Variants in BRINP1 observed in about 807,000 individuals in gnomAD.
The protein encoded by BRINP1 is BMP/retinoic acid-inducible neural-specific protein 1.
In BRINP1, 17 loss-of-function variants were observed where a neutral mutation model predicts 72.9. The observed-to-expected ratio is 0.23, with a 90% CI of 0.16 to 0.35. The LOEUF (loss-of-function observed/expected upper bound fraction) is 0.35. BRINP1 is among the 10% of genes least tolerant of loss of function. The pLI is 1.00. For synonymous variants in BRINP1, 418 were observed against 378.5 expected (o/e 1.10, Z -1.21); for missense variants, 850 against 1,001.6 (o/e 0.85, Z 2.04).
chr9:119,170,234 A>C (rs1000184946), intron 7 of BRINP1, among the ~76,000 whole-genome samples: 2 of 151,914 alleles, frequency 1.3e-5, no homozygotes, highest in Non-Finnish European at 2.9e-5. Context: ...AAACTTTAAA[A>C]AAAATTTAGA....
At chr9:119,292,877 C>A (rs1270658115) in intron 2 of BRINP1, among the ~76,000 whole-genome samples, 1 of 152,164 alleles carries the variant, frequency 6.6e-6, no homozygotes, top group East Asian at 1.9e-4. Flanking sequence ...TAGATAAGGT[C>A]AAGAACCACA....
chr9:119,211,416 C>G (rs1293413930), intron 6 of BRINP1, among the ~76,000 whole-genome samples: 1 of 152,112 alleles, frequency 6.6e-6, no homozygotes, highest in Admixed American at 6.5e-5. Context: ...AGGCTGGTCT[C>G]GAACTCCTGA....
In BRINP1 at chr9:119,313,193, G is replaced by T. The variant is rs777160737; in HGVS notation, c.163C>A (p.Leu55Ile). 1 of 1,614,124 alleles carries T rather than the reference G, an allele frequency of 6.2e-7. No homozygotes were observed. The highest frequency in any genetic ancestry group is 1.7e-5 in the Admixed American group (1 of 60,024). The part of the protein sequence containing the change: ...RGPFHHSRSY[L>I]SFVERHRQGF... ...TGACGGTGTCTTTCCACAAAGGATA[G>T]GTAGCTCCTGGAGTGGTGGAAAGGC... Residue 55 changes from leucine to isoleucine, a missense_variant, in exon 2 of 8, where the codon CTA becomes ATA. Transcript: ENST00000265922.
At chr9:119,192,613 T>C (rs1292929944) in intron 7 of BRINP1, among the ~76,000 whole-genome samples, 1 of 151,956 alleles carries the variant, frequency 6.6e-6, no homozygotes, top group African/African-American at 2.4e-5. Context: ...TTGGTGAGGG[T>C]GTGAAGAAAA....
intron 5 of BRINP1, among the ~76,000 whole-genome samples, chr9:119,225,608 C>T (rs910198184): frequency 6.6e-6 from 1 of 151,890 alleles, no homozygotes; most frequent in Non-Finnish European, 1.5e-5. Flanking sequence ...TTGGTTGAAG[C>T]CACAGACCCA....
chr9:119,193,162 AGTTG>A (rs1829700359), intron 7 of BRINP1, among the ~76,000 whole-genome samples: 1 of 152,028 alleles, frequency 6.6e-6, no homozygotes, highest in African/African-American at 2.4e-5. Flanking sequence ...TTTTATCGAT[AGTTG>A]GTTGAATTCA....
chr9:119,356,759 C>T (rs143429036), intron 1 of BRINP1, among the ~76,000 whole-genome samples: 3 of 150,578 alleles, frequency 2.0e-5, no homozygotes, highest in Non-Finnish European at 4.4e-5. Flanking sequence ...AAACCGAGAT[C>T]GCACCATTGC....
At chr9:119,268,686 A>G (rs1830578406) in intron 2 of BRINP1, among the ~76,000 whole-genome samples, 1 of 152,138 alleles carries the variant, frequency 6.6e-6, no homozygotes, top group African/African-American at 2.4e-5. Flanking sequence ...CCTATTCTCC[A>G]GGCCTCGGCC....
intron 7 of BRINP1, among the ~76,000 whole-genome samples, chr9:119,198,484 A>G (rs62570360): frequency 0.017 from 2,521 of 152,220 alleles, 34 homozygotes; most frequent in Middle Eastern, 0.048. Flanking sequence ...GTCAGACTAG[A>G]GAGTCTGAAG....
At chr9:119,293,002 T>C (rs1171602486) in intron 2 of BRINP1, among the ~76,000 whole-genome samples, 1 of 152,148 alleles carries the variant, frequency 6.6e-6, no homozygotes, top group Admixed American at 6.5e-5. Flanking sequence ...CTACTATATA[T>C]CGGGCACTTT....
At chr9:119,229,939 T>A (rs1482199388) in intron 5 of BRINP1, among the ~76,000 whole-genome samples, 1 of 151,998 alleles carries the variant, frequency 6.6e-6, no homozygotes, top group Non-Finnish European at 1.5e-5. Flanking sequence ...ATGGTTCTTA[T>A]CAAACAAGAA....
At chr9:119,349,950 T>C (rs1283374091) in intron 1 of BRINP1, among the ~76,000 whole-genome samples, 2 of 152,248 alleles carry the variant, frequency 1.3e-5, no homozygotes, top group Non-Finnish European at 1.5e-5. Flanking sequence ...CTCCAGCATT[T>C]GCTTCCTTTT....
chr9:119,218,949 T>C (rs1407287953), intron 5 of BRINP1, among the ~76,000 whole-genome samples: 1 of 151,926 alleles, frequency 6.6e-6, no homozygotes, highest in East Asian at 1.9e-4. Context: ...CTTAGGAAAG[T>C]CATTAGGTTT....
chr9:119,185,826 G>T (rs1468267140), intron 7 of BRINP1, among the ~76,000 whole-genome samples: 1 of 152,156 alleles, frequency 6.6e-6, no homozygotes, highest in African/African-American at 2.4e-5. Flanking sequence ...AGAAGCCCAC[G>T]TTGTATCCCA....
intron 7 of BRINP1, among the ~76,000 whole-genome samples, chr9:119,191,183 A>G (rs776764410): frequency 6.6e-6 from 1 of 151,982 alleles, no homozygotes; most frequent in East Asian, 1.9e-4. Flanking sequence ...CATCATAATC[A>G]ACAGGAAACA....
intron 5 of BRINP1, among the ~76,000 whole-genome samples, chr9:119,227,765 G>T (rs1461827663): frequency 6.6e-6 from 1 of 151,998 alleles, no homozygotes; most frequent in Non-Finnish European, 1.5e-5. Flanking sequence ...CACATAAAGT[G>T]ATGGGCGTGT....
intron 7 of BRINP1, 99 bp downstream of exon 7, chr9:119,208,620 C>A: frequency 7.9e-7 from 1 of 1,273,078 alleles, no homozygotes; most frequent in Non-Finnish European, 1.1e-6. Flanking sequence ...TTTGCCACCC[C>A]ACAAATGCAC....
At chr9:119,282,853 A>T (rs943292504) in intron 2 of BRINP1, 1 of 985,338 alleles carries the variant, frequency 1.0e-6, no homozygotes, top group South Asian at 4.7e-5. Flanking sequence ...GACAGCAGTG[A>T]TAGATTACCT....
At chr9:119,246,589 T>C (rs943865914) in intron 3 of BRINP1, among the ~76,000 whole-genome samples, 1 of 152,176 alleles carries the variant, frequency 6.6e-6, no homozygotes, top group Admixed American at 6.5e-5. Flanking sequence ...ATCCTATTAG[T>C]TCCGTCACTG....
Sources: gnomAD v4.1 joint callset for allele counts (sites outside exome capture counted in the v4.1 genomes callset) on GRCh38, gnomAD v4.1.1 for gene constraint, MANE v1.5 for transcripts, NCBI Gene and HGNC (gene_info 2026-07-23, HGNC 2026-07-21) for gene names.